Variants in CIMIP5 observed in about 807,000 individuals in gnomAD.
CIMIP5 encodes the protein ciliary microtubule inner protein 5.
chr2:11,140,997 T>C, the CIMIP5 span, among the ~76,000 whole-genome samples: 1 of 152,200 alleles, frequency 6.6e-6, no homozygotes, highest in Non-Finnish European at 1.5e-5. Context: ...ACTGGCCATG[T>C]AGCTCCCCTG....
chr2:11,150,815 C>G, the CIMIP5 span, among the ~76,000 whole-genome samples: 1 of 151,664 alleles, frequency 6.6e-6, no homozygotes, highest in Admixed American at 6.6e-5. Context: ...AATTTGCCCA[C>G]AAGGAAATTC....
chr2:11,137,027 T>C, the CIMIP5 span, among the ~76,000 whole-genome samples: 1 of 152,150 alleles, frequency 6.6e-6, no homozygotes, highest in African/African-American at 2.4e-5. Flanking sequence ...CCAACGGAAA[T>C]ACAATGTGAG....
chr2:11,140,086 C>CAAAAAAAAAAAAAA, the CIMIP5 span, among the ~76,000 whole-genome samples: 589 of 84,740 alleles, frequency 7.0e-3, 9 homozygotes, highest in Admixed American at 7.8e-3. Context: ...GACTCCCTCT[C>CAAAAAAAAAAAAAA]AAAAAAAAAA....
chr2:11,142,669 T>C, the CIMIP5 span, among the ~76,000 whole-genome samples: 1 of 150,578 alleles, frequency 6.6e-6, no homozygotes, highest in Non-Finnish European at 1.5e-5. Flanking sequence ...AAGGTAACCC[T>C]AAACAGGGGC....
chr2:11,153,612 G>T, the CIMIP5 span, among the ~76,000 whole-genome samples: 5 of 152,198 alleles, frequency 3.3e-5, no homozygotes, highest in Non-Finnish European at 5.9e-5. Context: ...CACTCAACAG[G>T]TTCTAGATGT....
the CIMIP5 span, among the ~76,000 whole-genome samples, chr2:11,140,308 G>T: frequency 6.6e-6 from 1 of 151,134 alleles, no homozygotes; most frequent in Non-Finnish European, 1.5e-5. Context: ...CCGGGAGGCG[G>T]AGCTTGCAGG....
the CIMIP5 span, among the ~76,000 whole-genome samples, chr2:11,149,720 TA>T: frequency 1.3e-5 from 2 of 150,644 alleles, no homozygotes; most frequent in African/African-American, 4.9e-5. Context: ...AAAAATTAAT[TA>T]ATTAATTAAA....
At chr2:11,137,884 C>T in the CIMIP5 span, among the ~76,000 whole-genome samples, 5 of 152,296 alleles carry the variant, frequency 3.3e-5, no homozygotes, top group South Asian at 1.0e-3. Context: ...CTTGCTCTGT[C>T]ACCCAGGCTG....
the CIMIP5 span, chr2:11,143,976 A>G: frequency 1.2e-6 from 2 of 1,606,146 alleles, no homozygotes; most frequent in Non-Finnish European, 8.5e-7. Context: ...TTTCGGACAC[A>G]GTTCCCAGTT....
chr2:11,143,841 C>T, the CIMIP5 span: 1 of 1,232,840 alleles, frequency 8.1e-7, no homozygotes, highest in Non-Finnish European at 1.1e-6. Flanking sequence ...GAGGCAGCTG[C>T]TCTCTGCTCT....
At chr2:11,147,070 G>A in the CIMIP5 span, among the ~76,000 whole-genome samples, 18 of 152,304 alleles carry the variant, frequency 1.2e-4, no homozygotes, top group East Asian at 3.9e-4. Context: ...GACCAGCGCC[G>A]GTTCTGCCAC....
the CIMIP5 span, among the ~76,000 whole-genome samples, chr2:11,141,484 C>T: frequency 6.6e-6 from 1 of 152,176 alleles, no homozygotes; most frequent in Admixed American, 6.5e-5. Flanking sequence ...CTGGAATGTC[C>T]TTCCACCTGG....
the CIMIP5 span, chr2:11,144,769 T>C: frequency 6.6e-6 from 1 of 152,112 alleles, no homozygotes; most frequent in Non-Finnish European, 1.5e-5. Context: ...TCTCTATCGC[T>C]TGCTCTCTCC....
chr2:11,148,325 C>T, the CIMIP5 span, among the ~76,000 whole-genome samples: 1 of 152,080 alleles, frequency 6.6e-6, no homozygotes, highest in Non-Finnish European at 1.5e-5. Context: ...CCATGTTGGT[C>T]AGGCTGTTCT....
At chr2:11,137,523 C>T in the CIMIP5 span, among the ~76,000 whole-genome samples, 5 of 152,076 alleles carry the variant, frequency 3.3e-5, no homozygotes, top group East Asian at 5.8e-4. Flanking sequence ...GAATTAAAAA[C>T]GTAGAGAAAC....
At chr2:11,143,369 G>A in the CIMIP5 span, among the ~76,000 whole-genome samples, 6,372 of 152,080 alleles carry the variant, frequency 0.042, 211 homozygotes, top group Non-Finnish European at 0.058. Context: ...AAGCTAATGC[G>A]TGGCATTAGA....
At chr2:11,134,812 A>T in the CIMIP5 span, among the ~76,000 whole-genome samples, 3 of 152,174 alleles carry the variant, frequency 2.0e-5, no homozygotes, top group Non-Finnish European at 4.4e-5. Flanking sequence ...TGGATATCTT[A>T]GTCCATTTTG....
At chr2:11,153,745 G>A in the CIMIP5 span, among the ~76,000 whole-genome samples, 4 of 152,164 alleles carry the variant, frequency 2.6e-5, no homozygotes, top group South Asian at 4.1e-4. Context: ...TCAGGAGTTC[G>A]AAACCCCGTC....
At chr2:11,141,621 C>G in the CIMIP5 span, among the ~76,000 whole-genome samples, 1 of 152,228 alleles carries the variant, frequency 6.6e-6, no homozygotes, top group African/African-American at 2.4e-5. Flanking sequence ...CATATCTCAC[C>G]CGTTATTTTG....
Sources: allele counts gnomAD v4.1 joint callset (sites outside exome capture counted in the v4.1 genomes callset), GRCh38; gene constraint gnomAD v4.1.1; transcripts MANE v1.5; gene names NCBI Gene and HGNC (gene_info 2026-07-23, HGNC 2026-07-21).